Variants in DOCK1 observed in about 807,000 individuals in gnomAD.
DOCK1 encodes the protein dedicator of cytokinesis 1, also known as dedicator of cytokinesis protein 1.
A neutral mutation model predicts 262.7 loss-of-function variants in DOCK1; 138 were observed. That is an observed-to-expected ratio of 0.53 (90% CI 0.46 to 0.61). DOCK1 has a LOEUF of 0.61. Among genes scored for constraint, DOCK1 ranks in the 20% least tolerant of loss-of-function variants. The probability of loss-of-function intolerance (pLI) is 0.00; values close to 1 mark genes in which losing one functional copy is unlikely to be tolerated. For synonymous variants in DOCK1, 866 were observed against 867.4 expected (o/e 1.00, Z 0.03); for missense variants, 1,908 against 2,370.7 (o/e 0.80, Z 4.05).
intron 27 of DOCK1, among the ~76,000 whole-genome samples, chr10:127,139,481 C>T (rs1401910705): frequency 1.3e-5 from 2 of 152,090 alleles, no homozygotes; most frequent in Admixed American, 6.5e-5. Context: ...CGAAGAGCCT[C>T]TTTGAGTTAT....
At chr10:127,013,227 A>AAC (rs2041609428) in intron 12 of DOCK1, among the ~76,000 whole-genome samples, 1 of 152,146 alleles carries the variant, frequency 6.6e-6, no homozygotes. Context: ...CTTTCTGGCA[A>AAC]ACAGTAGCAG....
chr10:127,444,373 C>G (rs1044557342), intron 50 of DOCK1, 94 bp downstream of exon 50: 1 of 1,409,518 alleles, frequency 7.1e-7, no homozygotes, highest in Middle Eastern at 1.8e-4. Context: ...CCTCCCTCCC[C>G]TTGCAGCAGA....
chr10:127,129,008 C>T (rs187459738), intron 27 of DOCK1, among the ~76,000 whole-genome samples: 18 of 152,256 alleles, frequency 1.2e-4, no homozygotes, highest in African/African-American at 3.8e-4. Flanking sequence ...CTTCCTGGTG[C>T]GTGACCGTTG....
At chr10:127,137,425 G>A (rs933635463) in intron 27 of DOCK1, 1 of 157,542 alleles carries the variant, frequency 6.3e-6, no homozygotes, top group Non-Finnish European at 1.4e-5. Flanking sequence ...GCAAACATAA[G>A]GCTTGCTTTT....
chr10:126,998,142 C>T lies in DOCK1; in HGVS notation c.660C>T (p.Thr220=), dbSNP rs1293522410. ...DINRQAKFAA[T]PSLALFVNLK... is the part of the protein sequence containing the mutation. ...ACAGACAAGCCAAGTTTGCTGCAAC[C>T]CCTTCTCTGGCCTTGTTTGTGAACC... The change falls in exon 8 of 52, where the codon ACC becomes ACT. Residue 220 remains threonine, a synonymous_variant. Coordinates refer to ENST00000623213, the MANE Select transcript of DOCK1 (RefSeq NM_001290223.2). 1 of 1,613,892 alleles carries T rather than the reference C, an allele frequency of 6.2e-7. No homozygotes were observed. The highest frequency in any genetic ancestry group is 1.3e-5 in the African/African-American group (1 of 74,922).
chr10:127,356,551 G>T (rs967373081), intron 32 of DOCK1, among the ~76,000 whole-genome samples: 2 of 152,118 alleles, frequency 1.3e-5, no homozygotes, highest in Non-Finnish European at 2.9e-5. Flanking sequence ...TCTGTCATTT[G>T]CTCTGTTAGG....
intron 2 of DOCK1, among the ~76,000 whole-genome samples, chr10:126,972,093 T>G (rs2134692445): frequency 6.6e-6 from 1 of 152,158 alleles, no homozygotes; most frequent in Admixed American, 6.5e-5. Context: ...ATTTTGTATT[T>G]TTAGTAGTGA....
At chr10:127,074,063 G>A (rs982115167) in intron 23 of DOCK1, among the ~76,000 whole-genome samples, 2 of 151,948 alleles carry the variant, frequency 1.3e-5, no homozygotes, top group African/African-American at 2.4e-5. Flanking sequence ...TTATCAAGAG[G>A]GAAAAAGGAA....
chr10:126,953,244 G>A (rs2036467160), intron 1 of DOCK1, among the ~76,000 whole-genome samples: 1 of 151,618 alleles, frequency 6.6e-6, no homozygotes, highest in Non-Finnish European at 1.5e-5. Context: ...AGTGTTGGTA[G>A]TGGTGGTATT....
chr10:126,988,730 TAC>T (rs2039584919), intron 5 of DOCK1, among the ~76,000 whole-genome samples: 1 of 152,194 alleles, frequency 6.6e-6, no homozygotes, highest in Non-Finnish European at 1.5e-5. Flanking sequence ...CTGATAGACT[TAC>T]ATGGTTGGAT....
chr10:127,005,012 TTG>T (rs1053658039), intron 10 of DOCK1, among the ~76,000 whole-genome samples: 1 of 151,978 alleles, frequency 6.6e-6, no homozygotes, highest in African/African-American at 2.4e-5. Flanking sequence ...ATTCAGTGTG[TTG>T]TCCAACCAGA....
intron 29 of DOCK1, among the ~76,000 whole-genome samples, chr10:127,268,518 A>AAAAG (rs1432876732): frequency 2.6e-5 from 4 of 151,174 alleles, no homozygotes; most frequent in Admixed American, 1.3e-4. Flanking sequence ...AAAAAAAAAA[A>AAAAG]AAAAGAAGAG....
chr10:126,948,943 C>G (rs1184202057), intron 1 of DOCK1, among the ~76,000 whole-genome samples: 14 of 152,164 alleles, frequency 9.2e-5, no homozygotes, highest in African/African-American at 2.7e-4. Context: ...CTGGGCCCCG[C>G]AAGCTGGGCT....
chr10:127,119,791 A>G (rs2049431517), intron 25 of DOCK1, among the ~76,000 whole-genome samples: 1 of 152,252 alleles, frequency 6.6e-6, no homozygotes. Context: ...AATGTTTTCA[A>G]TGGACAAATT....
At chr10:127,195,077 T>C (rs2057014744) in intron 27 of DOCK1, among the ~76,000 whole-genome samples, 2 of 152,174 alleles carry the variant, frequency 1.3e-5, no homozygotes, top group Admixed American at 1.3e-4. Flanking sequence ...TGGCATCTCT[T>C]TATCACTGGC....
chr10:127,048,973 T>C (rs1210329946), intron 21 of DOCK1, among the ~76,000 whole-genome samples: 1 of 152,200 alleles, frequency 6.6e-6, no homozygotes, highest in Non-Finnish European at 1.5e-5. Context: ...CTCTTCTTAC[T>C]ATATCTGTTT....
In DOCK1 at chr10:126,948,691, C is replaced by T. The variant is rs955376748; in HGVS notation, c.47-22011C>T. On this transcript the variant is annotated intron_variant, in intron 1 of 51. Transcript: ENST00000623213. ...AGGCACTGCTTCCCAGGAATCCTCA[C>T]CTCTCGGAGCCTGTGATGCGGGCGC... Among the ~76,000 whole-genome samples, 1,331 of 152,058 alleles carry T rather than the reference C, an allele frequency of 8.8e-3. 22 individuals are homozygous for T. Among genetic ancestry groups the T allele is most frequent in the African/African-American group, 0.03 (1,258 of 41,490 alleles).
intron 21 of DOCK1, among the ~76,000 whole-genome samples, chr10:127,047,790 A>G (rs1037187402): frequency 1.2e-4 from 18 of 152,158 alleles, no homozygotes; most frequent in African/African-American, 4.3e-4. Context: ...CTTCCCTTCC[A>G]CATAATTCTC....
At chr10:127,149,943 A>C (rs1404120570) in intron 27 of DOCK1, among the ~76,000 whole-genome samples, 3 of 152,194 alleles carry the variant, frequency 2.0e-5, no homozygotes, top group Non-Finnish European at 4.4e-5. Flanking sequence ...ACTAAGAGCC[A>C]GGCTTTGATC....
Sources: gnomAD v4.1 joint callset for allele counts (sites outside exome capture counted in the v4.1 genomes callset) on GRCh38, gnomAD v4.1.1 for gene constraint, MANE v1.5 for transcripts, NCBI Gene and HGNC (gene_info 2026-07-23, HGNC 2026-07-21) for gene names.